Variants in ZNF248 observed in about 807,000 individuals in gnomAD.
The protein encoded by ZNF248 is KRAB protein domain.
ZNF248 carries 20 observed loss-of-function variants against 44.3 expected under a neutral mutation model. The observed-to-expected ratio is 0.45, with a 90% CI of 0.32 to 0.66. The LOEUF is 0.66. Ranked by LOEUF, ZNF248 falls within the 30% of genes least tolerant of loss-of-function variation. The pLI is 0.04. For missense variants in ZNF248, 654 were observed against 677.0 expected (o/e 0.97, Z 0.38); for synonymous variants, 224 against 229.0 (o/e 0.98, Z 0.20).
intron 3 of ZNF248, among the ~76,000 whole-genome samples, chr10:37,845,057 T>C (rs1269836472): frequency 3.2e-5 from 2 of 61,828 alleles, no homozygotes; most frequent in African/African-American, 1.4e-4. Flanking sequence ...ACTCTGTGGT[T>C]CAGGCTGGAG....
Position 37,831,530 on chromosome 10 carries a change from A to G in ZNF248, c.*85T>C. The stretch of plus-strand genomic sequence containing the variant: ...TTCAAACAAGAAGTCATTTTCTACA[A>G]ATTTCTGACATTCTTTGGCTTTCTC... On this transcript the variant is annotated 3_prime_UTR_variant, in exon 6 of 6. Coordinates refer to ENST00000395867, the MANE Select transcript of ZNF248 (RefSeq NM_021045.3). 1 of 1,509,394 alleles carries G rather than the reference A, an allele frequency of 6.6e-7. No individual in the cohort carries two copies. The highest frequency in any genetic ancestry group is 2.3e-5 in the East Asian group (1 of 43,484). 93.5% of individuals were successfully genotyped at this position (1,509,394 alleles called of 1,614,324 possible).
chr10:37,775,407 G>A (rs1217993127), downstream of ZNF248: 3 of 152,108 alleles, frequency 2.0e-5, no homozygotes, highest in East Asian at 3.9e-4. Context: ...GTACAGTTAC[G>A]GGAGAAGAAC....
chr10:37,798,802 G>A (rs982496413), intron 6 of ZNF248, among the ~76,000 whole-genome samples: 8 of 152,092 alleles, frequency 5.3e-5, no homozygotes, highest in African/African-American at 1.2e-4. Context: ...AGGGGAGGGT[G>A]GTGATGGAAC....
intron 3 of ZNF248, among the ~76,000 whole-genome samples, chr10:37,840,844 G>T (rs1259447386): frequency 6.6e-6 from 1 of 152,120 alleles, no homozygotes; most frequent in East Asian, 1.9e-4. Context: ...TCTAGGTCTG[G>T]CAGGTATATA....
At chr10:37,828,394 G>T (rs1047481212), downstream of ZNF248, among the ~76,000 whole-genome samples, 10 of 152,024 alleles carry the variant, frequency 6.6e-5, no homozygotes, top group African/African-American at 2.4e-4. Context: ...TTGTGTTGTG[G>T]ACTGACTTTC....
chr10:37,769,079 T>C, the ZNF248 span, among the ~76,000 whole-genome samples: 3 of 152,096 alleles, frequency 2.0e-5, no homozygotes, highest in African/African-American at 7.2e-5. Context: ...CAGGAAGAAG[T>C]TGAATCTCTG....
At chr10:37,828,503 T>C (rs1320818831), downstream of ZNF248, among the ~76,000 whole-genome samples, 1 of 152,186 alleles carries the variant, frequency 6.6e-6, no homozygotes, top group Non-Finnish European at 1.5e-5. Flanking sequence ...AAAAATATTC[T>C]AGGAGGGCTT....
chr10:37,770,309 T>A, the ZNF248 span, among the ~76,000 whole-genome samples: 1 of 152,168 alleles, frequency 6.6e-6, no homozygotes, highest in African/African-American at 2.4e-5. Flanking sequence ...AGAGCCCGCA[T>A]CGCCAAGTCA....
intron 6 of ZNF248, chr10:37,819,667 C>CT (rs2053137812): frequency 6.3e-6 from 5 of 797,538 alleles, no homozygotes; most frequent in Non-Finnish European, 1.1e-5. Context: ...CTGCTTCCTC[C>CT]TTTTTAAGAT....
intron 6 of ZNF248, among the ~76,000 whole-genome samples, chr10:37,815,694 GA>G (rs1439381811): frequency 6.6e-6 from 1 of 151,620 alleles, no homozygotes; most frequent in Non-Finnish European, 1.5e-5. Flanking sequence ...TTCATCTTTT[GA>G]TTTTTTTGTT....
intron 3 of ZNF248, among the ~76,000 whole-genome samples, chr10:37,851,254 G>T (rs2060177508): frequency 6.6e-6 from 1 of 152,126 alleles, no homozygotes; most frequent in Non-Finnish European, 1.5e-5. Context: ...AAGACAAAAG[G>T]TATCCTTGCC....
chr10:37,762,445 C>T, the ZNF248 span, among the ~76,000 whole-genome samples: 1 of 152,108 alleles, frequency 6.6e-6, no homozygotes, highest in African/African-American at 2.4e-5. Context: ...GATTTGAGCC[C>T]AGGAAGTCTA....
At chr10:37,781,658 T>C (rs2047336188) in intron 6 of ZNF248, among the ~76,000 whole-genome samples, 1 of 152,164 alleles carries the variant, frequency 6.6e-6, no homozygotes, top group Non-Finnish European at 1.5e-5. Context: ...TACCCACATT[T>C]GGGAAAGTAA....
At position 37,829,057 on chromosome 10, in the gene ZNF248, C is replaced by G. The variant is rs2054913971; in HGVS notation, c.*2558G>C. Reference sequence around the variant, plus strand: ...GAATAACACTGTGCTGCTTATTCTCCATTTCTCTTCCCAGATTCTCTCTCC... The same window carrying G: ...GAATAACACTGTGCTGCTTATTCTCGATTTCTCTTCCCAGATTCTCTCTCC... On this transcript the variant is annotated 3_prime_UTR_variant, in exon 6 of 6. Coordinates refer to ENST00000395867, the MANE Select transcript of ZNF248 (RefSeq NM_021045.3). The G allele has an allele frequency of 1.1e-5, 11 of 985,462 alleles. No homozygotes were observed. In the South Asian group the frequency reaches 4.2e-4, roughly 38 times the overall value. 61.0% of individuals were successfully genotyped at this position (985,462 alleles called of 1,614,324 possible).
intron 6 of ZNF248, among the ~76,000 whole-genome samples, chr10:37,792,695 C>T (rs1225316424): frequency 6.6e-6 from 1 of 152,154 alleles, no homozygotes; most frequent in Non-Finnish European, 1.5e-5. Flanking sequence ...CCCCAAATTC[C>T]ATAACCCCAG....
In ZNF248 at chr10:37,832,122, A is replaced by G. The variant is rs1198317764; in HGVS notation, c.1233T>C (p.Thr411=). The change falls in exon 6 of 6, where the codon ACT becomes ACC. Residue 411 remains threonine, a synonymous_variant. Transcript: ENST00000395867. ...TCTGGCAAAAGGCTTTCCCACATTCAGTACATTCATAGGGCTTCTCTCCTG... is the reference window on the plus strand; with the variant it reads ...TCTGGCAAAAGGCTTTCCCACATTCGGTACATTCATAGGGCTTCTCTCCTG... The part of the protein sequence containing the change: ...THTGEKPYEC[T]ECGKAFCQKP... 4.3e-5 allele frequency: 69 copies of G among 1,613,854 alleles called. No homozygotes were observed. Among genetic ancestry groups the G allele is most frequent in the Non-Finnish European group, 5.7e-5 (67 of 1,179,950 alleles).
chr10:37,803,558 G>C (rs556871823), intron 6 of ZNF248: 1 of 152,430 alleles, frequency 6.6e-6, no homozygotes, highest in African/African-American at 2.4e-5. Flanking sequence ...GGCAGTTCCA[G>C]ACATGCTCTT....
intron 6 of ZNF248, among the ~76,000 whole-genome samples, chr10:37,806,765 T>C (rs1360912535): frequency 6.6e-6 from 1 of 152,202 alleles, no homozygotes; most frequent in East Asian, 1.9e-4. Flanking sequence ...AAAATTTGTC[T>C]ATTTTTTCTT....
chr10:37,759,828 TA>T, the ZNF248 span, among the ~76,000 whole-genome samples: 2 of 152,352 alleles, frequency 1.3e-5, no homozygotes, highest in East Asian at 3.9e-4. Context: ...AAGACATTTT[TA>T]AGCAGACAGA....
Sources: allele counts gnomAD v4.1 joint callset (sites outside exome capture counted in the v4.1 genomes callset), GRCh38; gene constraint gnomAD v4.1.1; transcripts MANE v1.5; gene names NCBI Gene and HGNC (gene_info 2026-07-23, HGNC 2026-07-21).